ACER3: variants seen among roughly 807,000 people sequenced by gnomAD.
ACER3 encodes the protein alkaline ceramidase 3.
A neutral mutation model predicts 48.9 loss-of-function variants in ACER3; 16 were observed. The observed-to-expected ratio is 0.33, with a 90% CI of 0.22 to 0.50. The LOEUF (loss-of-function observed/expected upper bound fraction) is 0.50, where lower values mean the gene tolerates loss of function less well. Among genes scored for constraint, ACER3 ranks in the 20% least tolerant of loss-of-function variants. ACER3 has a pLI of 0.98. For missense variants in ACER3, 227 were observed against 326.0 expected, an observed-to-expected ratio of 0.70 and a Z score of 2.34; for synonymous variants, 109 against 107.8, an observed-to-expected ratio of 1.01 and a Z score of -0.07.
At chr11:76,906,014 G>T (rs939566587) in intron 1 of ACER3, among the ~76,000 whole-genome samples, 1 of 152,214 alleles carries the variant, frequency 6.6e-6, no homozygotes, top group Admixed American at 6.5e-5. Context: ...ATGACATTGA[G>T]AGAAAGCTAA....
At chr11:76,991,053 G>A (rs1190938140) in intron 6 of ACER3, among the ~76,000 whole-genome samples, 3 of 152,158 alleles carry the variant, frequency 2.0e-5, no homozygotes, top group Admixed American at 1.3e-4. Flanking sequence ...TGACACCAGA[G>A]TGAAATAAAG....
chr11:76,971,197 T>C (rs970853887), intron 3 of ACER3, among the ~76,000 whole-genome samples: 1 of 152,158 alleles, frequency 6.6e-6, no homozygotes, highest in Admixed American at 6.5e-5. Flanking sequence ...CATGTTGTGT[T>C]GTAGGGAAGT....
Position 77,021,581 on chromosome 11 carries a change from T to G in ACER3, c.*1254T>G, listed in dbSNP as rs910530437. 9.2e-5 allele frequency: 14 copies of G among 152,250 alleles called. No individual in the cohort carries two copies. Among genetic ancestry groups the G allele is most frequent in the Non-Finnish European group, 2.9e-5 (2 of 68,040 alleles). The allele number at this position is 152,250 out of a possible 1,614,324, so 9.4% of individuals were successfully genotyped here. On this transcript the variant is annotated 3_prime_UTR_variant, in exon 11 of 11. Transcript: ENST00000532485. ...ATCATATTTGTAGCTCTGCATCATTTAGCATTTTTATGACTTTTTTTGCTT... is the reference window on the plus strand; with the variant it reads ...ATCATATTTGTAGCTCTGCATCATTGAGCATTTTTATGACTTTTTTTGCTT...
chr11:76,960,467 C>A (rs1170348634), intron 3 of ACER3, among the ~76,000 whole-genome samples: 1 of 151,820 alleles, frequency 6.6e-6, no homozygotes, highest in Non-Finnish European at 1.5e-5. Context: ...AATACTACTT[C>A]TCTCTCTATA....
At chr11:76,929,048 G>A (rs1946918182) in intron 2 of ACER3, among the ~76,000 whole-genome samples, 1 of 152,096 alleles carries the variant, frequency 6.6e-6, no homozygotes, top group Non-Finnish European at 1.5e-5. Context: ...AAATTACTTT[G>A]GGTAATATGG....
At position 76,950,352 on chromosome 11, in the gene ACER3, CATATATATATATATATATATATATATAT is replaced by C. The variant is rs774580764; in HGVS notation, c.215-8595_215-8568del. Among the ~76,000 whole-genome samples the C allele has an allele frequency of 9.2e-3, 330 of 36,056 alleles. 9 individuals are homozygous for C. In the East Asian group the frequency reaches 0.19, roughly 21 times the overall value. 23.7% of individuals were successfully genotyped at this position (36,056 alleles called of 152,430 possible). On this transcript the variant is annotated intron_variant, in intron 2 of 10. Coordinates refer to ENST00000532485, the MANE Select transcript of ACER3 (RefSeq NM_018367.7). ...GTTTTAAACAGGAGAGTGACATGAT[CATATATATATATATATATATATATATAT>C]ATATATATATATATATATATATATA... is the stretch of plus-strand genomic sequence containing the variant.
chr11:77,016,129 A>T (rs78173223), intron 8 of ACER3, among the ~76,000 whole-genome samples: 3 of 151,362 alleles, frequency 2.0e-5, no homozygotes, highest in Non-Finnish European at 2.9e-5. Flanking sequence ...AAAAAAAAAA[A>T]TTTGCAGAGG....
chr11:77,018,488 CTT>C (rs1282699421), intron 9 of ACER3, among the ~76,000 whole-genome samples: 3 of 152,204 alleles, frequency 2.0e-5, no homozygotes, highest in African/African-American at 7.2e-5. Flanking sequence ...ACATCTCTCA[CTT>C]TAAACCAAAA....
At chr11:76,909,820 C>G (rs774665563) in intron 1 of ACER3, among the ~76,000 whole-genome samples, 1 of 152,054 alleles carries the variant, frequency 6.6e-6, no homozygotes, top group Non-Finnish European at 1.5e-5. Flanking sequence ...CACATGCACA[C>G]GTATGTTTAT....
chr11:76,924,989 A>AC, intron 1 of ACER3, among the ~76,000 whole-genome samples: 1 of 147,826 alleles, frequency 6.8e-6, no homozygotes. Flanking sequence ...AAAAAAAAAA[A>AC]AAAACACCAA....
intron 1 of ACER3, among the ~76,000 whole-genome samples, chr11:76,882,256 CA>C (rs200536594): frequency 1.4e-5 from 1 of 73,800 alleles, no homozygotes. Flanking sequence ...CTGCCCGCGT[CA>C]ACTGCCAAAG....
At chr11:76,987,469 T>G (rs1948708925) in intron 5 of ACER3, among the ~76,000 whole-genome samples, 1 of 151,996 alleles carries the variant, frequency 6.6e-6, no homozygotes, top group South Asian at 2.1e-4. Context: ...TGCCATGGGG[T>G]AGGGGTAGAG....
At chr11:76,976,609 G>A (rs548122482) in intron 4 of ACER3, among the ~76,000 whole-genome samples, 1 of 152,264 alleles carries the variant, frequency 6.6e-6, no homozygotes, top group East Asian at 1.9e-4. Flanking sequence ...AGTGAATAAT[G>A]TGTACAAATT....
At chr11:76,922,055 C>T (rs1946697285) in intron 1 of ACER3, among the ~76,000 whole-genome samples, 1 of 152,104 alleles carries the variant, frequency 6.6e-6, no homozygotes, top group African/African-American at 2.4e-5. Context: ...CTAGCTCTTT[C>T]CATTTTTACC....
At chr11:76,952,271 T>TC (rs1260892580) in intron 2 of ACER3, among the ~76,000 whole-genome samples, 5 of 151,276 alleles carry the variant, frequency 3.3e-5, no homozygotes, top group African/African-American at 1.2e-4. Context: ...TCTTTTTTTT[T>TC]TTTTTTGAGA....
chr11:76,927,440 T>G (rs901646746), intron 2 of ACER3, among the ~76,000 whole-genome samples: 3 of 136,582 alleles, frequency 2.2e-5, no homozygotes, highest in Non-Finnish European at 3.3e-5. Context: ...GTAGTTTCAT[T>G]TCTTCATTTT....
rs144129518 is a variant in ACER3 at position 77,019,871 on chromosome 11, A to G, written c.750+95A>G. ...AGAAGAAAGGGGAGTTTGGAGAGGT[A>G]GTGGAGCAAACACAGGCTTTGGAAC... On this transcript the variant is annotated intron_variant, in intron 10 of 10. Transcript: ENST00000532485. 3.8e-6 allele frequency: 5 copies of G among 1,309,414 alleles called. No homozygotes were observed. In the East Asian group the frequency reaches 1.2e-4, roughly 30 times the overall value. 81.1% of individuals were successfully genotyped at this position (1,309,414 alleles called of 1,614,324 possible). A position where few individuals can be genotyped will look rare whatever the true frequency, so the allele number is the denominator to read the frequency against.
chr11:76,874,828 T>C (rs1289303012), intron 1 of ACER3, among the ~76,000 whole-genome samples: 1 of 152,176 alleles, frequency 6.6e-6, no homozygotes, highest in Non-Finnish European at 1.5e-5. Flanking sequence ...CTCCCTTCTT[T>C]CTTCTTTGAT....
intron 9 of ACER3, 108 bp from the exon 10 acceptor site, chr11:77,019,623 T>A: frequency 9.6e-7 from 1 of 1,044,290 alleles, no homozygotes; most frequent in Non-Finnish European, 1.5e-6. Flanking sequence ...ACTCATGTTG[T>A]TTTTGCTTCG....
Sources: gnomAD v4.1 joint callset for allele counts (sites outside exome capture counted in the v4.1 genomes callset) on GRCh38, gnomAD v4.1.1 for gene constraint, MANE v1.5 for transcripts, NCBI Gene and HGNC (gene_info 2026-07-23, HGNC 2026-07-21) for gene names.